Variants in PCDH15 observed in about 807,000 individuals in gnomAD.
PCDH15 encodes the protein protocadherin related 15.
A neutral mutation model predicts 178.5 loss-of-function variants in PCDH15; 129 were observed. That is an observed-to-expected ratio of 0.72 (90% CI 0.63 to 0.84). The LOEUF is 0.84. Ranked by LOEUF, PCDH15 falls within the 40% of genes least tolerant of loss-of-function variation. The probability of loss-of-function intolerance (pLI) is 0.00; values close to 1 mark genes in which losing one functional copy is unlikely to be tolerated. For missense variants in PCDH15, 2,230 were observed against 2,099.9 expected (o/e 1.06, Z -1.21); for synonymous variants, 800 against 732.0 (o/e 1.09, Z -1.50).
intron 14 of PCDH15, among the ~76,000 whole-genome samples, chr10:54,137,641 T>C (rs1200725379): frequency 6.6e-6 from 1 of 152,156 alleles, no homozygotes; most frequent in African/African-American, 2.4e-5. Context: ...CCCTCCCTAG[T>C]TCCTGTTTTC....
chr10:54,079,285 T>G (rs765063579), intron 17 of PCDH15, 46 bp downstream of exon 17: 5 of 1,509,256 alleles, frequency 3.3e-6, no homozygotes, highest in Non-Finnish European at 4.6e-6. Context: ...CTCTCTCAGT[T>G]GCCTTAATAC....
intron 2 of PCDH15, among the ~76,000 whole-genome samples, chr10:54,934,449 T>C (rs1837855295): frequency 1.3e-5 from 2 of 152,076 alleles, no homozygotes; most frequent in Non-Finnish European, 2.9e-5. Flanking sequence ...CTCATGGACA[T>C]TCAGGAAAAA....
chr10:54,168,583 C>T (rs28843409), intron 13 of PCDH15, among the ~76,000 whole-genome samples: 3 of 150,414 alleles, frequency 2.0e-5, no homozygotes, highest in Admixed American at 6.6e-5. Context: ...CAGCAATTTA[C>T]TCTTAAAAAG....
chr10:53,965,619 C>T (rs1310409588), intron 21 of PCDH15, among the ~76,000 whole-genome samples: 5 of 152,170 alleles, frequency 3.3e-5, no homozygotes, highest in Admixed American at 1.3e-4. Context: ...TAGTAAATCT[C>T]GCCTTAGAAC....
intron 2 of PCDH15, among the ~76,000 whole-genome samples, chr10:54,955,146 G>T (rs532586033): frequency 1.3e-5 from 2 of 151,256 alleles, no homozygotes; most frequent in African/African-American, 4.8e-5. Context: ...AATCAAGCTG[G>T]CACTATAGCT....
At chr10:54,745,443 G>A (rs1945331940) in intron 1 of PCDH15, among the ~76,000 whole-genome samples, 6 of 152,082 alleles carry the variant, frequency 3.9e-5, no homozygotes, top group Admixed American at 3.9e-4. Context: ...AGAACCAACA[G>A]TTATACGATC....
rs141800880 is a variant in PCDH15, at chr10:54,924,159, G to T, written c.-79-26659C>A. The stretch of plus-strand genomic sequence containing the variant: ...GTTCTCACATGGTGAAGCAGGAAGT[G>T]GGGGGGAAGTACTACACACTTTCAA... On this transcript the variant is annotated intron_variant, in intron 2 of 5. Coordinates refer to the PCDH15 transcript ENST00000458638. Among the ~76,000 whole-genome samples the T allele has an allele frequency of 4.7e-3, 652 of 137,276 alleles. 65 individuals carry two copies. Among genetic ancestry groups the T allele is most frequent in the African/African-American group, 0.016 (630 of 39,812 alleles). The allele number at this position is 137,276 out of a possible 152,430, so 90.1% of individuals were successfully genotyped here.
At chr10:54,997,195 C>T (rs540794679) in intron 2 of PCDH15, among the ~76,000 whole-genome samples, 17 of 151,830 alleles carry the variant, frequency 1.1e-4, no homozygotes, top group Non-Finnish European at 2.4e-4. Flanking sequence ...CCTATGGGGG[C>T]AAACAAAGTT....
At chr10:54,406,222 G>A (rs111983963) in intron 3 of PCDH15, among the ~76,000 whole-genome samples, 101 of 152,086 alleles carry the variant, frequency 6.6e-4, no homozygotes, top group African/African-American at 2.4e-3. Flanking sequence ...ATGCATTAAT[G>A]TATACCACAG....
chr10:55,353,970 G>T (rs186858963), intron 2 of PCDH15, among the ~76,000 whole-genome samples: 15 of 152,066 alleles, frequency 9.9e-5, no homozygotes, highest in Non-Finnish European at 2.1e-4. Context: ...GCTCAGAGAC[G>T]ATTCTTTATA....
At position 53,907,808 on chromosome 10, in the gene PCDH15, G is replaced by A. The variant is rs186701813; in HGVS notation, c.3374-4438C>T. On this transcript the variant is annotated intron_variant, in intron 25 of 37. Coordinates refer to ENST00000644397, the MANE Select transcript of PCDH15 (RefSeq NM_001384140.1). ...AGTTACCTCCTTGAATAGCACTTCT[G>A]TTCTATTTTAGACATTTAAACATGG... Among the ~76,000 whole-genome samples the A allele has an allele frequency of 3.3e-4, 50 of 152,210 alleles. No individual in the cohort carries two copies. In the East Asian group the frequency reaches 9.3e-3, roughly 28 times the overall value.
At chr10:54,765,401 G>A (rs1279139154) in intron 1 of PCDH15, among the ~76,000 whole-genome samples, 1 of 152,092 alleles carries the variant, frequency 6.6e-6, no homozygotes, top group Non-Finnish European at 1.5e-5. Flanking sequence ...AGTTCAGAGA[G>A]AGCAATCACA....
chr10:54,320,184 T>C (rs368585481), intron 7 of PCDH15, among the ~76,000 whole-genome samples: 2 of 152,098 alleles, frequency 1.3e-5, no homozygotes, highest in African/African-American at 4.8e-5. Context: ...CAGATACTTA[T>C]GAGAGTGAGG....
chr10:53,821,253 T>C, intron 32 of PCDH15: 2 of 984,658 alleles, frequency 2.0e-6, no homozygotes, highest in Non-Finnish European at 1.2e-6. Flanking sequence ...TAAAAGCAAG[T>C]CAGAGTAAAA....
intron 3 of PCDH15, among the ~76,000 whole-genome samples, chr10:54,812,273 C>CT (rs529215060): frequency 0.31 from 42,133 of 134,728 alleles, 6,904 homozygotes; most frequent in Non-Finnish European, 0.33. Flanking sequence ...CTTCCTCTTC[C>CT]TTTTTTTTTT....
chr10:55,279,663 T>C (rs117615052), intron 1 of PCDH15, among the ~76,000 whole-genome samples: 4,255 of 152,280 alleles, frequency 0.028, 79 homozygotes, highest in Non-Finnish European at 0.045. Flanking sequence ...GCCTTGTTTC[T>C]GCTATATAAT....
intron 16 of PCDH15, among the ~76,000 whole-genome samples, chr10:54,084,153 T>G (rs1259578927): frequency 6.6e-6 from 1 of 151,690 alleles, no homozygotes; most frequent in Non-Finnish European, 1.5e-5. Context: ...TGGCATGATC[T>G]CCGCTCACTG....
chr10:54,822,678 A>G (rs539874678), intron 3 of PCDH15, among the ~76,000 whole-genome samples: 1 of 152,054 alleles, frequency 6.6e-6, no homozygotes, highest in South Asian at 2.1e-4. Flanking sequence ...ATCACATGGT[A>G]ATTCTATTTT....
chr10:54,938,515 T>TA (rs1350557259), intron 2 of PCDH15, among the ~76,000 whole-genome samples: 1 of 152,148 alleles, frequency 6.6e-6, no homozygotes, highest in African/African-American at 2.4e-5. Context: ...AATTTTTTCT[T>TA]AAATATTTGT....
Sources: gnomAD v4.1 joint callset for allele counts (sites outside exome capture counted in the v4.1 genomes callset) on GRCh38, gnomAD v4.1.1 for gene constraint, MANE v1.5 for transcripts, NCBI Gene and HGNC (gene_info 2026-07-23, HGNC 2026-07-21) for gene names.